Variants in RBM4 observed in about 807,000 individuals in gnomAD.
RBM4 encodes RNA binding motif protein 4, also known as RNA-binding protein 4.
A neutral mutation model predicts 29.5 loss-of-function variants in RBM4; 7 were observed. The observed-to-expected ratio is 0.24, with a 90% confidence interval of 0.14 to 0.45. The LOEUF is 0.45. RBM4 is among the 20% of genes least tolerant of loss of function. The pLI is 1.00. For missense variants in RBM4, 387 were observed against 502.3 expected, an observed-to-expected ratio of 0.77 and a Z score of 2.19; for synonymous variants, 220 against 205.4, an observed-to-expected ratio of 1.07 and a Z score of -0.61.
intron 1 of RBM4, 55 bp downstream of exon 1, chr11:66,638,807 A>G (rs1237761683): frequency 2.0e-5 from 3 of 150,804 alleles, no homozygotes; most frequent in Admixed American, 6.6e-5. Context: ...ATCTTCTCTC[A>G]CTCCCTTGGG....
In RBM4 at chr11:66,663,702, ATGTG is replaced by A. The variant is rs66797662; in HGVS notation, c.413-2130_413-2127del. On this transcript the variant is annotated intron_variant, in intron 2 of 2. Transcript: ENST00000396053. ...TAACTAGGCAAAAATGTGTGTGTAT[ATGTG>A]TGTGTGTGTGTGTGTGTGTGTGTAT... Among the ~76,000 whole-genome samples the A allele has an allele frequency of 3.3e-3, 491 of 148,506 alleles. 2 individuals are homozygous for A. The highest frequency in any genetic ancestry group is 4.2e-3 in the Admixed American group (63 of 14,834).
At chr11:66,655,206 G>A (rs1299888903) in intron 2 of RBM4, among the ~76,000 whole-genome samples, 2 of 152,050 alleles carry the variant, frequency 1.3e-5, no homozygotes, top group African/African-American at 2.4e-5. Context: ...TGCTGGTTTC[G>A]AACTCCTGAC....
At chr11:66,652,890 G>A (rs563344) in intron 2 of RBM4, among the ~76,000 whole-genome samples, 9,549 of 152,158 alleles carry the variant, frequency 0.063, 381 homozygotes, top group East Asian at 0.11. Context: ...GGTGCTTCCT[G>A]TCCCTTAAGG....
At chr11:66,661,335 G>A (rs572944126) in intron 2 of RBM4, among the ~76,000 whole-genome samples, 2 of 152,294 alleles carry the variant, frequency 1.3e-5, no homozygotes, top group South Asian at 2.1e-4. Context: ...CTGAGGACCA[G>A]GTTTGTAAGC....
rs565417692 is a variant in RBM4 at position 66,644,353 on chromosome 11, A to G, written c.*8+213A>G. On this transcript the variant is annotated intron_variant, in intron 3 of 3. Coordinates refer to ENST00000310092, the MANE Select transcript of RBM4 (RefSeq NM_002896.4). The stretch of plus-strand genomic sequence containing the variant: ...ATGGCTATTTTTCAGGGCTTCTGGT[A>G]GTGGGAGTCAATTTGATTCTATTTG... 4.7e-6 allele frequency: 3 copies of G among 635,080 alleles called. No homozygotes were observed. The Admixed American group carries it at 1.1e-4, about 23-fold the overall frequency. The allele number at this position is 635,080 out of a possible 1,614,324, so 39.3% of individuals were successfully genotyped here. A position where few individuals can be genotyped will look rare whatever the true frequency, so the allele number is the denominator to read the frequency against.
chr11:66,644,089 AGC>A lies in RBM4; in HGVS notation c.1054_1055del (p.Arg352GlyfsTer31). 1 of 1,613,962 alleles carries A rather than the reference AGC, an allele frequency of 6.2e-7. No individual in the cohort carries two copies. The highest frequency in any genetic ancestry group is 8.5e-7 in the Non-Finnish European group (1 of 1,180,022). ...TCTCTGTACGACATGGCCCGGTATG[AGC>A]GGGAGCAGTATGCCGATCGGGCGCG... On this transcript the variant is annotated frameshift_variant, in exon 3 of 4. Transcript: ENST00000310092. LOFTEE classifies it high-confidence loss of function.
At chr11:66,649,402 C>A (rs941931326), downstream of RBM4, among the ~76,000 whole-genome samples, 3 of 152,168 alleles carry the variant, frequency 2.0e-5, no homozygotes, top group African/African-American at 7.2e-5. Context: ...AAAGTTAGCT[C>A]TTTGTGGTGA....
intron 2 of RBM4, among the ~76,000 whole-genome samples, chr11:66,663,396 GCT>G (rs1939122259): frequency 6.6e-6 from 1 of 152,078 alleles, no homozygotes; most frequent in Non-Finnish European, 1.5e-5. Context: ...ATGGAGTCTC[GCT>G]CTGTCACCCA....
intron 2 of RBM4, among the ~76,000 whole-genome samples, chr11:66,657,140 G>C (rs565010754): frequency 7.5e-6 from 1 of 133,408 alleles, no homozygotes; most frequent in African/African-American, 2.9e-5. Context: ...TTTTAGGTGC[G>C]GTCTTGCTCT....
intron 2 of RBM4, chr11:66,665,409 G>A (rs1791636492): frequency 3.1e-6 from 2 of 648,006 alleles, no homozygotes; most frequent in Non-Finnish European, 2.7e-6. Context: ...CTAGTTTCAG[G>A]AGGAAAGAAA....
intron 3 of RBM4, among the ~76,000 whole-genome samples, chr11:66,645,480 A>G (rs1938651886): frequency 6.6e-6 from 1 of 152,286 alleles, no homozygotes; most frequent in African/African-American, 2.4e-5. Context: ...TAGCTTATAC[A>G]TGCCCTTCTG....
chr11:66,662,458 T>C (rs762303312), intron 2 of RBM4, among the ~76,000 whole-genome samples: 34 of 152,130 alleles, frequency 2.2e-4, no homozygotes, highest in South Asian at 1.0e-3. Flanking sequence ...CTGGAGTGCA[T>C]TGGCGTGATC....
chr11:66,648,985 T>C (rs1938767439), downstream of RBM4, among the ~76,000 whole-genome samples: 1 of 150,986 alleles, frequency 6.6e-6, no homozygotes, highest in African/African-American at 2.4e-5. Flanking sequence ...GCATTTTCTC[T>C]TTTTTAAACC....
rs576905231 is a variant in RBM4, at chr11:66,639,460, A to G, written c.-12-240A>G. On this transcript the variant is annotated intron_variant, in intron 1 of 3. Coordinates refer to ENST00000310092, the MANE Select transcript of RBM4 (RefSeq NM_002896.4). ...CTGTTGGAAGGTATCGGTTCTTACC[A>G]AACCCTTTGTCTACTAAGGACCTCC... 4.9e-5 allele frequency: 28 copies of G among 569,296 alleles called. No individual in the cohort carries two copies. The East Asian group carries it at 8.2e-4, about 17-fold the overall frequency. The allele number at this position is 569,296 out of a possible 1,614,324, so 35.3% of individuals were successfully genotyped here.
intron 2 of RBM4, chr11:66,665,598 A>G (rs1484734961): frequency 1.3e-6 from 2 of 1,535,854 alleles, no homozygotes; most frequent in Non-Finnish European, 1.7e-6. Context: ...AGCACAACAC[A>G]AGAGGCTTAC....
intron 2 of RBM4, among the ~76,000 whole-genome samples, chr11:66,658,702 C>T (rs1939009542): frequency 6.6e-6 from 1 of 151,840 alleles, no homozygotes; most frequent in Admixed American, 6.6e-5. Context: ...TTTGGGAGGC[C>T]AAGGTGGGCA....
intron 2 of RBM4, among the ~76,000 whole-genome samples, chr11:66,657,013 C>T (rs1266935250): frequency 6.6e-6 from 1 of 151,870 alleles, no homozygotes; most frequent in Admixed American, 6.6e-5. Context: ...AATCTTGTTC[C>T]CATTGTTGCA....
At chr11:66,656,279 G>C (rs1221631103) in intron 2 of RBM4, among the ~76,000 whole-genome samples, 1 of 152,158 alleles carries the variant, frequency 6.6e-6, no homozygotes, top group Non-Finnish European at 1.5e-5. Flanking sequence ...TGGGACTACA[G>C]GCACCTGCCA....
intron 2 of RBM4, among the ~76,000 whole-genome samples, chr11:66,642,500 C>T (rs746214359): frequency 6.6e-6 from 1 of 152,142 alleles, no homozygotes; most frequent in Non-Finnish European, 1.5e-5. Flanking sequence ...TAATACTTTT[C>T]ATTTCCAGAA....
Sources: gnomAD v4.1 joint callset for allele counts (sites outside exome capture counted in the v4.1 genomes callset) on GRCh38, gnomAD v4.1.1 for gene constraint, MANE v1.5 for transcripts, NCBI Gene and HGNC (gene_info 2026-07-23, HGNC 2026-07-21) for gene names.